Variants in SCAPER observed in about 807,000 individuals in gnomAD.
SCAPER encodes the protein S phase cyclin A-associated protein in the endoplasmic reticulum.
In SCAPER, 98 loss-of-function variants were observed where a neutral mutation model predicts 182.2. That is an observed-to-expected ratio of 0.54 (90% CI 0.46 to 0.64). SCAPER has a LOEUF of 0.64. SCAPER is among the 30% of genes least tolerant of loss of function. SCAPER has a pLI of 0.00. For missense variants in SCAPER, 1,432 were observed against 1,690.0 expected, an observed-to-expected ratio of 0.85 and a Z score of 2.68; for synonymous variants, 605 against 564.6, an observed-to-expected ratio of 1.07 and a Z score of -1.01.
At chr15:76,705,666 GA>G (rs915515348) in intron 18 of SCAPER, among the ~76,000 whole-genome samples, 152 of 149,572 alleles carry the variant, frequency 1.0e-3, no homozygotes, top group Non-Finnish European at 1.5e-3. Flanking sequence ...AAATTAAAAA[GA>G]AAAAAAACAG....
At chr15:76,574,382 G>C in intron 22 of SCAPER, 98 bp from the exon 23 acceptor site, 1 of 1,387,146 alleles carries the variant, frequency 7.2e-7, no homozygotes. Context: ...TTCAGTATTG[G>C]ATTTGAAAAT....
intron 20 of SCAPER, among the ~76,000 whole-genome samples, chr15:76,686,937 A>G (rs2058069229): frequency 6.6e-6 from 1 of 152,156 alleles, no homozygotes; most frequent in African/African-American, 2.4e-5. Flanking sequence ...ATCAAGCAAC[A>G]TTAACCAAAA....
chr15:76,469,787 T>C (rs987763228), intron 25 of SCAPER, among the ~76,000 whole-genome samples: 2 of 152,162 alleles, frequency 1.3e-5, no homozygotes, highest in Non-Finnish European at 2.9e-5. Flanking sequence ...TTTAAGAGGC[T>C]GCTTTCAAAA....
At chr15:76,712,297 A>C (rs2059629835) in intron 17 of SCAPER, among the ~76,000 whole-genome samples, 1 of 152,060 alleles carries the variant, frequency 6.6e-6, no homozygotes, top group African/African-American at 2.4e-5. Context: ...ATTGATCTAT[A>C]TCTCTGTTGT....
chr15:76,808,889 G>A (rs1436348137), intron 5 of SCAPER, among the ~76,000 whole-genome samples: 1 of 152,186 alleles, frequency 6.6e-6, no homozygotes, highest in Non-Finnish European at 1.5e-5. Context: ...CCAGCTTAAT[G>A]TAAAGAAAAT....
intron 21 of SCAPER, among the ~76,000 whole-genome samples, chr15:76,653,502 G>C (rs1164454553): frequency 6.6e-6 from 1 of 152,116 alleles, no homozygotes; most frequent in African/African-American, 2.4e-5. Flanking sequence ...CTTGGTATTG[G>C]TACAAAAACT....
At chr15:76,713,811 A>G (rs943270922) in intron 17 of SCAPER, among the ~76,000 whole-genome samples, 3 of 152,102 alleles carry the variant, frequency 2.0e-5, no homozygotes, top group African/African-American at 7.2e-5. Context: ...AAAAGTAAAG[A>G]AAAAATAGTT....
At chr15:76,560,519 T>C (rs1329351149) in intron 23 of SCAPER, among the ~76,000 whole-genome samples, 1 of 152,200 alleles carries the variant, frequency 6.6e-6, no homozygotes, top group Non-Finnish European at 1.5e-5. Flanking sequence ...GAGAAATTAA[T>C]TAACTTGTCC....
chr15:76,405,851 C>A (rs1017978868), intron 26 of SCAPER, among the ~76,000 whole-genome samples: 1 of 152,168 alleles, frequency 6.6e-6, no homozygotes, highest in African/African-American at 2.4e-5. Flanking sequence ...ACAGTCCCCA[C>A]TATTCATTTA....
chr15:76,718,268 CA>C (rs951110800), intron 17 of SCAPER, among the ~76,000 whole-genome samples: 3 of 151,988 alleles, frequency 2.0e-5, no homozygotes, highest in African/African-American at 7.3e-5. Context: ...TGGGTTGCAG[CA>C]AAAGCAGTTG....
At chr15:76,530,151 C>T (rs2043527591) in intron 23 of SCAPER, among the ~76,000 whole-genome samples, 1 of 152,134 alleles carries the variant, frequency 6.6e-6, no homozygotes. Flanking sequence ...TTTAGGAATG[C>T]AGGAATGTGC....
chr15:76,639,061 A>C (rs957961764), intron 21 of SCAPER, among the ~76,000 whole-genome samples: 5 of 152,204 alleles, frequency 3.3e-5, no homozygotes, highest in African/African-American at 1.2e-4. Flanking sequence ...GAAAGGAAGA[A>C]TAAATAGGAG....
intron 29 of SCAPER, among the ~76,000 whole-genome samples, chr15:76,357,165 C>T (rs1264189556): frequency 6.6e-6 from 1 of 150,982 alleles, no homozygotes; most frequent in African/African-American, 2.4e-5. Context: ...CACACACACA[C>T]ACACACACAC....
intron 29 of SCAPER, among the ~76,000 whole-genome samples, chr15:76,361,530 G>T (rs2041419649): frequency 6.6e-6 from 1 of 152,176 alleles, no homozygotes; most frequent in Non-Finnish European, 1.5e-5. Context: ...TAATAAAAGT[G>T]GGCTTTCTGG....
chr15:76,745,202 G>A (rs995423077), intron 15 of SCAPER, among the ~76,000 whole-genome samples: 5 of 152,172 alleles, frequency 3.3e-5, no homozygotes, highest in Admixed American at 6.5e-5. Context: ...CACTTTGGGA[G>A]TCCGAGGTGG....
chr15:76,454,707 G>C (rs1455292379), intron 25 of SCAPER, among the ~76,000 whole-genome samples: 4 of 151,902 alleles, frequency 2.6e-5, no homozygotes, highest in Non-Finnish European at 5.9e-5. Flanking sequence ...GTCTGGTTTT[G>C]TTACCAAGGT....
intron 24 of SCAPER, among the ~76,000 whole-genome samples, chr15:76,495,827 T>C (rs1008376670): frequency 2.0e-5 from 3 of 152,158 alleles, no homozygotes; most frequent in African/African-American, 7.2e-5. Context: ...TTTATATTTT[T>C]CAAATGCTGT....
In SCAPER at chr15:76,765,470, T is replaced by C; in HGVS notation, c.1496-16A>G. On this transcript the variant is annotated splice_polypyrimidine_tract_variant and intron_variant, in intron 12 of 31. Transcript: ENST00000563290. ...GACTCACGAGCTGTTCAGAAAAAAA[T>C]ACTATTATTGTTTAGCCACATAGGT... is the stretch of plus-strand genomic sequence containing the variant. 6.2e-6 allele frequency: 10 copies of C among 1,611,970 alleles called. No individual in the cohort carries two copies. The highest frequency in any genetic ancestry group is 8.5e-6 in the Non-Finnish European group (10 of 1,178,478).
chr15:76,475,451 C>A (rs1038247009), intron 24 of SCAPER, among the ~76,000 whole-genome samples: 4 of 151,988 alleles, frequency 2.6e-5, no homozygotes, highest in Admixed American at 2.6e-4. Flanking sequence ...CTCAGCCTCC[C>A]GGGTAACTAG....
Sources: gnomAD v4.1 joint callset for allele counts (sites outside exome capture counted in the v4.1 genomes callset) on GRCh38, gnomAD v4.1.1 for gene constraint, MANE v1.5 for transcripts, NCBI Gene and HGNC (gene_info 2026-07-23, HGNC 2026-07-21) for gene names.